Variants in PHF24 observed in about 807,000 individuals in gnomAD.
PHF24 encodes PHD finger protein 24.
PHF24 carries 25 observed loss-of-function variants against 42.6 expected under a neutral mutation model. That is an observed-to-expected ratio of 0.59 (90% CI 0.43 to 0.82). The LOEUF is 0.82. Ranked by LOEUF, PHF24 falls within the 40% of genes least tolerant of loss-of-function variation. PHF24 has a pLI of 0.00. For synonymous variants in PHF24, 185 were observed against 204.8 expected, an observed-to-expected ratio of 0.90 and a Z score of 0.83; for missense variants, 470 against 538.1, an observed-to-expected ratio of 0.87 and a Z score of 1.25.
chr9:34,741,832 G>A, the PHF24 span, among the ~76,000 whole-genome samples: 1 of 151,946 alleles, frequency 6.6e-6, no homozygotes, highest in Non-Finnish European at 1.5e-5. Flanking sequence ...CCTAGCCTCT[G>A]TTTTCTAAGC....
the PHF24 span, among the ~76,000 whole-genome samples, chr9:34,751,268 G>A: frequency 6.6e-6 from 1 of 152,166 alleles, no homozygotes; most frequent in Admixed American, 6.5e-5. Context: ...GGGAGGTTGA[G>A]GCAGGAGAAT....
the PHF24 span, among the ~76,000 whole-genome samples, chr9:34,841,057 T>TGGA: frequency 6.6e-6 from 1 of 152,170 alleles, no homozygotes; most frequent in Non-Finnish European, 1.5e-5. Flanking sequence ...TGGAGTGCAG[T>TGGA]GGCGCGATCT....
the PHF24 span, among the ~76,000 whole-genome samples, chr9:34,946,078 A>C: frequency 6.6e-6 from 1 of 152,244 alleles, no homozygotes; most frequent in African/African-American, 2.4e-5. Context: ...TGCCAGTACT[A>C]TGCTCTGCAG....
At chr9:34,914,717 G>A in the PHF24 span, among the ~76,000 whole-genome samples, 1 of 151,974 alleles carries the variant, frequency 6.6e-6, no homozygotes, top group Non-Finnish European at 1.5e-5. Context: ...TGGGTTACTA[G>A]TCTTTTCCAA....
chr9:34,952,838 C>T (rs1826295050), upstream of PHF24, among the ~76,000 whole-genome samples: 4 of 152,168 alleles, frequency 2.6e-5, no homozygotes, highest in South Asian at 2.1e-4. Context: ...TCATGAACAA[C>T]TGATATCCAA....
the PHF24 span, among the ~76,000 whole-genome samples, chr9:34,951,432 T>C: frequency 6.6e-6 from 1 of 152,178 alleles, no homozygotes; most frequent in Non-Finnish European, 1.5e-5. Flanking sequence ...AGTGTCTTTA[T>C]AAGAGAAAGA....
chr9:34,724,957 C>A, the PHF24 span: 27 of 1,551,568 alleles, frequency 1.7e-5, no homozygotes, highest in Admixed American at 5.1e-4. Context: ...AGACTCGGAG[C>A]AGCTTAGGGT....
the PHF24 span, among the ~76,000 whole-genome samples, chr9:34,893,608 AAAAAAG>A: frequency 6.6e-6 from 1 of 151,936 alleles, no homozygotes; most frequent in African/African-American, 2.4e-5. Flanking sequence ...TCTCAAAAAA[AAAAAAG>A]AAAAAAGAAA....
chr9:34,891,134 G>A, the PHF24 span, among the ~76,000 whole-genome samples: 1 of 152,230 alleles, frequency 6.6e-6, no homozygotes, highest in South Asian at 2.1e-4. Flanking sequence ...GGTCTGGGCA[G>A]CTCAGGATCA....
chr9:34,849,762 G>A, the PHF24 span, among the ~76,000 whole-genome samples: 3 of 152,100 alleles, frequency 2.0e-5, no homozygotes, highest in Admixed American at 1.3e-4. Flanking sequence ...TCCATGTTTA[G>A]TGCTTCCTTC....
chr9:34,685,547 C>A, the PHF24 span, among the ~76,000 whole-genome samples: 12 of 152,152 alleles, frequency 7.9e-5, no homozygotes, highest in African/African-American at 2.7e-4. Context: ...CTTTTCTACC[C>A]CAACTAGACT....
chr9:34,753,661 A>G, the PHF24 span, among the ~76,000 whole-genome samples: 1 of 152,176 alleles, frequency 6.6e-6, no homozygotes, highest in Non-Finnish European at 1.5e-5. Flanking sequence ...ATATGGAACT[A>G]CAAAAGGAAC....
chr9:34,754,675 C>T, the PHF24 span, among the ~76,000 whole-genome samples: 37 of 152,090 alleles, frequency 2.4e-4, no homozygotes, highest in Admixed American at 1.5e-3. Flanking sequence ...AATAGAACTA[C>T]CATATGACCC....
the PHF24 span, among the ~76,000 whole-genome samples, chr9:34,876,724 G>A: frequency 2.0e-5 from 3 of 152,266 alleles, no homozygotes; most frequent in Admixed American, 1.3e-4. Context: ...AAACCCTGGT[G>A]CATTGCTGGT....
chr9:34,837,842 T>G, the PHF24 span: 1 of 636,192 alleles, frequency 1.6e-6, no homozygotes, highest in Non-Finnish European at 2.8e-6. Context: ...CTTTGCCTAT[T>G]CCACCTTTTT....
At chr9:34,684,656 A>C in the PHF24 span, among the ~76,000 whole-genome samples, 4 of 152,170 alleles carry the variant, frequency 2.6e-5, no homozygotes, top group Non-Finnish European at 5.9e-5. Flanking sequence ...TGAGGCCCTG[A>C]CAGAAGGGCT....
At chr9:34,977,458 A>G in intron 6 of PHF24, 88 bp from the exon 7 acceptor site, 1 of 1,371,256 alleles carries the variant, frequency 7.3e-7, no homozygotes. Context: ...CTGGATGAGC[A>G]TGTCCAGAGC....
chr9:34,883,962 G>C, the PHF24 span, among the ~76,000 whole-genome samples: 1 of 152,132 alleles, frequency 6.6e-6, no homozygotes, highest in Non-Finnish European at 1.5e-5. Flanking sequence ...CTTGGAACCA[G>C]CCCAAATGTC....
chr9:34,794,927 C>A, the PHF24 span, among the ~76,000 whole-genome samples: 1 of 151,966 alleles, frequency 6.6e-6, no homozygotes. Context: ...AACAATGCCC[C>A]AAAACTTCTC....
Sources: allele counts gnomAD v4.1 joint callset (sites outside exome capture counted in the v4.1 genomes callset), GRCh38; gene constraint gnomAD v4.1.1; transcripts MANE v1.5; gene names NCBI Gene and HGNC (gene_info 2026-07-23, HGNC 2026-07-21).